The following IMMP2L variants were observed in gnomAD, a reference collection of about 807,000 sequenced individuals.
IMMP2L encodes inner mitochondrial membrane peptidase subunit 2, also known as mitochondrial inner membrane protease subunit 2.
IMMP2L carries 18 observed loss-of-function variants against 19.3 expected under a neutral mutation model. The observed-to-expected ratio is 0.93, with a 90% CI of 0.64 to 1.38. The LOEUF (loss-of-function observed/expected upper bound fraction) is 1.38. IMMP2L is among the 40% of genes most tolerant of loss of function. The pLI, the probability that IMMP2L is intolerant of heterozygous loss-of-function variation, is 0.00. For synonymous variants in IMMP2L, 76 were observed against 73.0 expected, an observed-to-expected ratio of 1.04 and a Z score of -0.21; for missense variants, 233 against 218.2, an observed-to-expected ratio of 1.07 and a Z score of -0.43.
chr7:110,961,998 G>C (rs1162151094), intron 4 of IMMP2L, among the ~76,000 whole-genome samples: 3 of 151,752 alleles, frequency 2.0e-5, no homozygotes, highest in African/African-American at 7.3e-5. Context: ...TTGTTGTGGG[G>C]GTTGCACAAT....
Position 111,020,493 on chromosome 7 carries a change from G to T in IMMP2L, c.240-56928C>A, listed in dbSNP as rs555678140. 3.8e-4 allele frequency among the ~76,000 whole-genome samples: 58 copies of T among 152,306 alleles called. No homozygotes were observed. The Middle Eastern group carries it at 0.017, about 45-fold the overall frequency. ...ATTGGAGTTGTTGGCCGGGCAGGGT[G>T]GCTCACGCCTGTAATCCCAGCACTT... On this transcript the variant is annotated intron_variant, in intron 3 of 5. Transcript: ENST00000405709.
intron 3 of IMMP2L, among the ~76,000 whole-genome samples, chr7:111,272,380 G>T (rs1458247093): frequency 6.6e-6 from 1 of 152,048 alleles, no homozygotes; most frequent in Non-Finnish European, 1.5e-5. Flanking sequence ...AACCTTTCCT[G>T]ATTCCCCAAA....
intron 2 of IMMP2L, among the ~76,000 whole-genome samples, chr7:111,490,722 A>C (rs1318440057): frequency 6.6e-6 from 1 of 152,100 alleles, no homozygotes; most frequent in East Asian, 1.9e-4. Context: ...GCCACTCATT[A>C]CTAGGAAAAT....
intron 3 of IMMP2L, among the ~76,000 whole-genome samples, chr7:111,283,495 G>A (rs1027730775): frequency 1.3e-5 from 2 of 152,130 alleles, no homozygotes; most frequent in Non-Finnish European, 2.9e-5. Flanking sequence ...TGAAGTGAAT[G>A]ATAAAATCTG....
intron 5 of IMMP2L, among the ~76,000 whole-genome samples, chr7:110,735,109 C>A (rs13229388): frequency 4.7e-3 from 711 of 152,108 alleles, no homozygotes; most frequent in Non-Finnish European, 6.3e-3. Context: ...TGGAAATAAC[C>A]GACATGCCTG....
chr7:111,130,946 G>C (rs1454989259), intron 3 of IMMP2L, among the ~76,000 whole-genome samples: 1 of 151,708 alleles, frequency 6.6e-6, no homozygotes, highest in East Asian at 1.9e-4. Context: ...CTATTTCCTA[G>C]TAAATTAATC....
intron 3 of IMMP2L, among the ~76,000 whole-genome samples, chr7:111,099,183 G>C (rs1466608212): frequency 6.6e-6 from 1 of 151,654 alleles, no homozygotes; most frequent in Non-Finnish European, 1.5e-5. Flanking sequence ...AGTATAATAA[G>C]TGACACAAAA....
At chr7:111,256,391 A>C (rs1180676683) in intron 3 of IMMP2L, among the ~76,000 whole-genome samples, 5 of 152,084 alleles carry the variant, frequency 3.3e-5, no homozygotes, top group African/African-American at 1.2e-4. Context: ...TATTTTCTAC[A>C]TATAACACTG....
intron 3 of IMMP2L, among the ~76,000 whole-genome samples, chr7:111,029,639 T>C (rs1393101655): frequency 6.6e-6 from 1 of 152,176 alleles, no homozygotes; most frequent in African/African-American, 2.4e-5. Flanking sequence ...TTCTGGCTTT[T>C]TTGTCATGAA....
intron 3 of IMMP2L, among the ~76,000 whole-genome samples, chr7:111,127,564 C>A (rs918525343): frequency 1.3e-5 from 2 of 152,016 alleles, no homozygotes; most frequent in African/African-American, 2.4e-5. Context: ...TATAAATTTC[C>A]AGTGAGAGAG....
intron 3 of IMMP2L, among the ~76,000 whole-genome samples, chr7:111,300,036 A>T (rs554010353): frequency 6.6e-6 from 1 of 152,198 alleles, no homozygotes; most frequent in Non-Finnish European, 1.5e-5. Context: ...AAAAATATTA[A>T]GACATCTATA....
intron 3 of IMMP2L, among the ~76,000 whole-genome samples, chr7:111,358,666 G>A (rs1222045353): frequency 1.3e-5 from 2 of 152,050 alleles, no homozygotes; most frequent in African/African-American, 4.8e-5. Flanking sequence ...AATTATGCAT[G>A]GGTGAAATTT....
chr7:111,490,155 C>T (rs116255773), intron 2 of IMMP2L, among the ~76,000 whole-genome samples: 3,102 of 150,114 alleles, frequency 0.021, 109 homozygotes, highest in African/African-American at 0.072. Context: ...TGGAGTGCAC[C>T]GGCATGATCA....
At chr7:111,557,634 T>C (rs1228767747) in intron 1 of IMMP2L, among the ~76,000 whole-genome samples, 1 of 152,190 alleles carries the variant, frequency 6.6e-6, no homozygotes, top group Non-Finnish European at 1.5e-5. Flanking sequence ...TCTTGCTAGA[T>C]TTCATTTGTA....
chr7:110,887,754 T>C (rs79902554), intron 4 of IMMP2L, among the ~76,000 whole-genome samples: 5 of 146,464 alleles, frequency 3.4e-5, no homozygotes, highest in Admixed American at 2.0e-4. Flanking sequence ...TTTTTTTTTC[T>C]CTCTTTTATC....
At chr7:111,443,150 G>A (rs1328012473) in intron 3 of IMMP2L, among the ~76,000 whole-genome samples, 2 of 151,688 alleles carry the variant, frequency 1.3e-5, no homozygotes, top group East Asian at 1.9e-4. Context: ...AGGTTTTAAG[G>A]TTATCTCATT....
chr7:110,989,749 A>T (rs1402714089), intron 3 of IMMP2L, among the ~76,000 whole-genome samples: 4 of 151,640 alleles, frequency 2.6e-5, no homozygotes, highest in Non-Finnish European at 5.9e-5. Flanking sequence ...AAACAAAATT[A>T]AAAATATGTA....
chr7:111,495,051 C>A (rs1843464674), intron 2 of IMMP2L, among the ~76,000 whole-genome samples: 1 of 151,956 alleles, frequency 6.6e-6, no homozygotes, highest in African/African-American at 2.4e-5. Flanking sequence ...ATTTAATATG[C>A]ATAATTAGTT....
At chr7:111,539,183 G>A (rs1267208952) in intron 1 of IMMP2L, among the ~76,000 whole-genome samples, 1 of 68,486 alleles carries the variant, frequency 1.5e-5, no homozygotes, top group South Asian at 5.2e-4. Flanking sequence ...AAGGAAGGAA[G>A]GAAGGAAGGA....
Sources: gnomAD v4.1 joint callset for allele counts (sites outside exome capture counted in the v4.1 genomes callset) on GRCh38, gnomAD v4.1.1 for gene constraint, MANE v1.5 for transcripts, NCBI Gene and HGNC (gene_info 2026-07-23, HGNC 2026-07-21) for gene names.